CYP4V2: variants seen among roughly 807,000 people sequenced by gnomAD.
The protein encoded by CYP4V2 is cytochrome P450 4V2.
CYP4V2 carries 55 observed loss-of-function variants against 60.8 expected under a neutral mutation model. The ratio of observed to expected loss-of-function variants is 0.90; its 90% CI spans 0.73 to 1.13. The LOEUF (loss-of-function observed/expected upper bound fraction) is 1.13, where lower values mean the gene tolerates loss of function less well. Among genes scored for constraint, CYP4V2 ranks in the 50% most tolerant of loss-of-function variants. The probability of loss-of-function intolerance (pLI) is 0.00; values close to 1 mark genes in which losing one functional copy is unlikely to be tolerated. For missense variants in CYP4V2, 675 were observed against 662.9 expected, an observed-to-expected ratio of 1.02 and a Z score of -0.20; for synonymous variants, 239 against 236.8, an observed-to-expected ratio of 1.01 and a Z score of -0.08.
intron 8 of CYP4V2, among the ~76,000 whole-genome samples, chr4:186,208,442 C>G (rs1736597708): frequency 6.6e-6 from 1 of 151,366 alleles, no homozygotes; most frequent in African/African-American, 2.4e-5. Flanking sequence ...ATTTAGCATC[C>G]CCTGCCTTGA....
intron 7 of CYP4V2, chr4:186,203,877 T>G (rs1041697364): frequency 6.6e-6 from 1 of 152,218 alleles, no homozygotes; most frequent in South Asian, 2.1e-4. Context: ...ACAAGTACTT[T>G]GAAGATTTCT....
intron 7 of CYP4V2, chr4:186,202,049 G>A (rs1036191908): frequency 6.6e-6 from 1 of 152,226 alleles, no homozygotes; most frequent in South Asian, 2.1e-4. Context: ...AGCCTCTGGC[G>A]GCAGTGCCAG....
Position 186,195,786 on chromosome 4 carries a change from TC to T in CYP4V2, c.328-211del, listed in dbSNP as rs898488950. 1.3e-5 allele frequency among the ~76,000 whole-genome samples: 2 copies of T among 152,054 alleles called. No homozygotes were observed. Among genetic ancestry groups the T allele is most frequent in the African/African-American group, 4.8e-5 (2 of 41,482 alleles). ...AGAGAATCATCTGGGACATCTTTCT[TC>T]CCCCCAACTCCATTGAGTCCCCAAG... On this transcript the variant is annotated intron_variant, in intron 2 of 10. Coordinates refer to ENST00000378802, the MANE Select transcript of CYP4V2 (RefSeq NM_207352.4). This position sits in a 1 kb window ranked among gnomAD's most constrained non-coding sequence, Gnocchi z 4.1.
chr4:186,198,946 C>T lies in CYP4V2; in HGVS notation c.675-11C>T, dbSNP rs374715498. ...GATACAACAGCTGATGTATTTTTAT[C>T]CCATTTATAGAATGAGTGAGATGAT... On this transcript the variant is annotated splice_polypyrimidine_tract_variant and intron_variant, in intron 5 of 10. Transcript: ENST00000378802. 2 of 1,613,926 alleles carry T rather than the reference C, an allele frequency of 1.2e-6. No homozygotes were observed.
intron 3 of CYP4V2, 173 bp downstream of exon 3, chr4:186,196,261 A>G (rs1457220857): frequency 1.5e-6 from 1 of 665,974 alleles, no homozygotes; most frequent in Non-Finnish European, 2.7e-6. Flanking sequence ...TTGCCCGTCA[A>G]GAGGCCAAGA....
intron 5 of CYP4V2, among the ~76,000 whole-genome samples, chr4:186,198,502 G>A (rs1303307632): frequency 1.3e-5 from 2 of 152,224 alleles, no homozygotes; most frequent in Non-Finnish European, 2.9e-5. Context: ...ATGAAAGGGA[G>A]GTGCTGGGAC....
chr4:186,212,553 T>TA lies in CYP4V2; in HGVS notation c.*1913dup, dbSNP rs1217663755. The stretch of plus-strand genomic sequence containing the variant: ...CTTCATAGAATCACAATTACCTTTA[T>TA]ATATCATATGTTATTGGAAGAGATT... On this transcript the variant is annotated 3_prime_UTR_variant, in exon 11 of 11. Transcript: ENST00000378802. The TA allele has an allele frequency of 6.6e-6, 1 of 152,260 alleles. No individual in the cohort carries two copies. The highest frequency in any genetic ancestry group is 1.5e-5 in the Non-Finnish European group (1 of 68,044). 9.4% of individuals were successfully genotyped at this position (152,260 alleles called of 1,614,324 possible). A position where few individuals can be genotyped will look rare whatever the true frequency, so the allele number is the denominator to read the frequency against.
chr4:186,204,035 ATT>A (rs5864975), intron 7 of CYP4V2: 61,447 of 151,328 alleles, frequency 0.41, 12,808 homozygotes, highest in African/African-American at 0.47. Flanking sequence ...TTCCAGATAC[ATT>A]TTTTTTTTTT....
At chr4:186,199,299 A>G (rs1387331930) in intron 6 of CYP4V2, among the ~76,000 whole-genome samples, 1 of 152,226 alleles carries the variant, frequency 6.6e-6, no homozygotes, top group Non-Finnish European at 1.5e-5. Context: ...CTCAGAAAAT[A>G]AAACTTGAAT....
chr4:186,203,991 A>G (rs1344700595), intron 7 of CYP4V2: 1 of 152,166 alleles, frequency 6.6e-6, no homozygotes, highest in Non-Finnish European at 1.5e-5. Flanking sequence ...TTTTGTCCTC[A>G]AAGTTTCAGA....
intron 8 of CYP4V2, among the ~76,000 whole-genome samples, chr4:186,207,205 G>A (rs958013048): frequency 1.3e-5 from 2 of 151,900 alleles, no homozygotes; most frequent in East Asian, 1.9e-4. Flanking sequence ...TCAGGAGATC[G>A]AGACCATCCT....
chr4:186,208,313 G>A (rs1186423318), intron 8 of CYP4V2, among the ~76,000 whole-genome samples: 1 of 151,818 alleles, frequency 6.6e-6, no homozygotes, highest in Non-Finnish European at 1.5e-5. Flanking sequence ...AAGGGTATTT[G>A]ATGGGTATTT....
rs144410290 is a variant in CYP4V2, at chr4:186,195,611, GA to G, written c.328-390del. On this transcript the variant is annotated intron_variant, in intron 2 of 10. Transcript: ENST00000378802. The surrounding 1 kb of genome is among the most constrained non-coding windows in gnomAD (Gnocchi z 4.1). ...ACTTGCTTTCAGACCACAGCAACCT[GA>G]AGGCCTCAAAGTTACCATCACCTGA... 0.048 allele frequency among the ~76,000 whole-genome samples: 7,300 copies of G among 152,180 alleles called. 275 individuals carry two copies. The highest frequency in any genetic ancestry group is 0.17 in the South Asian group (815 of 4,814).
In CYP4V2 at chr4:186,195,629, A is replaced by G. The variant is rs1398582460; in HGVS notation, c.328-374A>G. On this transcript the variant is annotated intron_variant, in intron 2 of 10. Coordinates refer to ENST00000378802, the MANE Select transcript of CYP4V2 (RefSeq NM_207352.4). This position sits in a 1 kb window ranked among gnomAD's most constrained non-coding sequence, Gnocchi z 4.1. ...GCAACCTGAAGGCCTCAAAGTTACC[A>G]TCACCTGAAAATACACCTATGATTT... Among the ~76,000 whole-genome samples, 1 of 152,026 alleles carries G rather than the reference A, an allele frequency of 6.6e-6. No individual in the cohort carries two copies. The highest frequency in any genetic ancestry group is 6.5e-5 in the Admixed American group (1 of 15,272).
Position 186,198,938 on chromosome 4 carries a change from A to G in CYP4V2, c.675-19A>G. 7 of 1,613,968 alleles carry G rather than the reference A, an allele frequency of 4.3e-6. No homozygotes were observed. Among genetic ancestry groups the G allele is most frequent in the Non-Finnish European group, 5.9e-6 (7 of 1,179,950 alleles). Reference sequence around the variant, plus strand: ...ACATTTCTGATACAACAGCTGATGTATTTTTATCCCATTTATAGAATGAGT... The same window carrying G: ...ACATTTCTGATACAACAGCTGATGTGTTTTTATCCCATTTATAGAATGAGT... On this transcript the variant is annotated intron_variant, in intron 5 of 10. Coordinates refer to ENST00000378802, the MANE Select transcript of CYP4V2 (RefSeq NM_207352.4).
chr4:186,193,538 T>C (rs1198931045), intron 1 of CYP4V2, among the ~76,000 whole-genome samples: 1 of 152,236 alleles, frequency 6.6e-6, no homozygotes, highest in Non-Finnish European at 1.5e-5. Context: ...TAAAACTCTT[T>C]AACTTAGAGG....
Position 186,194,513 on chromosome 4 carries a change from G to T in CYP4V2, c.228G>T (p.Gln76His). The change falls in exon 2 of 11, where the codon CAG (glutamine) becomes CAT (histidine). Residue 76 changes from glutamine (Q) to histidine (H), a missense_variant. By Grantham distance (24) the Gln-to-His change is conservative. Coordinates refer to ENST00000378802, the MANE Select transcript of CYP4V2 (RefSeq NM_207352.4). ...GTTTTTCCCCAGAATTTTTTCAGCA[G>T]ATCATTGAGTACACAGAGGAATACC... ...MKPDGREFFQ[Q>H]IIEYTEEYRH... 6.2e-7 allele frequency: 1 copy of T among 1,614,080 alleles called. No homozygotes were observed. The highest frequency in any genetic ancestry group is 8.5e-7 in the Non-Finnish European group (1 of 1,179,976).
In CYP4V2 at chr4:186,197,086, AC is replaced by A; in HGVS notation, c.561del (p.Cys188AlafsTer10). 1 of 1,613,970 alleles carries A rather than the reference AC, an allele frequency of 6.2e-7. No homozygotes were observed. Among genetic ancestry groups the A allele is most frequent in the Non-Finnish European group, 8.5e-7 (1 of 1,180,006 alleles). On this transcript the variant is annotated frameshift_variant, in exon 4 of 11. Transcript: ENST00000378802. LOFTEE classifies it high-confidence loss of function. ...LEKHINQEAF[N>X]CFFYITLCAL... ...AAACACATTAACCAAGAAGCATTTA[AC>A]TGCTTTTTTTACATCACTCTTTGTG... is the stretch of plus-strand genomic sequence containing the variant.
At chr4:186,203,530 C>T (rs1736390999) in intron 7 of CYP4V2, 1 of 152,352 alleles carries the variant, frequency 6.6e-6, no homozygotes, top group Non-Finnish European at 1.5e-5. Flanking sequence ...CCCTGCTCCA[C>T]CAGTGTGCCT....
Sources: allele counts gnomAD v4.1 joint callset (sites outside exome capture counted in the v4.1 genomes callset), GRCh38; gene constraint gnomAD v4.1.1; non-coding constraint Gnocchi (gnomAD v3.1); transcripts MANE v1.5; gene names NCBI Gene and HGNC (gene_info 2026-07-23, HGNC 2026-07-21).